SLC41A3: variants seen among roughly 807,000 people sequenced by gnomAD.
SLC41A3 encodes SLC41A1-like 2.
Under a neutral mutation model 45.4 loss-of-function variants are expected in SLC41A3, and 44 were observed. The observed-to-expected ratio is 0.97, with a 90% CI of 0.76 to 1.25. The LOEUF (loss-of-function observed/expected upper bound fraction) is 1.25, where lower values mean the gene tolerates loss of function less well. SLC41A3 is among the 50% of genes most tolerant of loss of function. The pLI, the probability that SLC41A3 is intolerant of heterozygous loss-of-function variation, is 0.00. For synonymous variants in SLC41A3, 256 were observed against 252.4 expected (o/e 1.01, Z -0.13); for missense variants, 550 against 600.6 (o/e 0.92, Z 0.88).
intron 8 of SLC41A3, among the ~76,000 whole-genome samples, chr3:126,013,090 G>A (rs1214299747): frequency 1.3e-5 from 2 of 152,158 alleles, no homozygotes; most frequent in African/African-American, 4.8e-5. Context: ...GATGAGGGGA[G>A]AGTGGATAGA....
intron 1 of SLC41A3, among the ~76,000 whole-genome samples, chr3:126,082,439 G>C (rs550149474): frequency 6.6e-6 from 1 of 152,360 alleles, no homozygotes; most frequent in African/African-American, 2.4e-5. Flanking sequence ...CCAAATGTCA[G>C]TAGTGTGGAG....
chr3:126,024,429 A>G (rs1049724096), intron 5 of SLC41A3: 3 of 152,272 alleles, frequency 2.0e-5, no homozygotes, highest in Non-Finnish European at 4.4e-5. Context: ...AGGCTGGGTC[A>G]TGGCATCCAC....
intron 2 of SLC41A3, chr3:126,057,062 G>A (rs1943715649): frequency 2.2e-5 from 22 of 995,714 alleles, no homozygotes; most frequent in Non-Finnish European, 2.6e-5. Context: ...CCTCCTGGCA[G>A]AGGAGGGCCT....
At chr3:126,014,581 A>C (rs1224615995) in intron 8 of SLC41A3, among the ~76,000 whole-genome samples, 1 of 152,214 alleles carries the variant, frequency 6.6e-6, no homozygotes, top group African/African-American at 2.4e-5. Context: ...TCTCATGCAC[A>C]ATGTGAAGGC....
intron 3 of SLC41A3, among the ~76,000 whole-genome samples, chr3:126,038,249 C>T (rs1294861811): frequency 6.6e-6 from 1 of 152,258 alleles, no homozygotes; most frequent in Non-Finnish European, 1.5e-5. Context: ...ACAAAGCCCC[C>T]ACTTGGCCAA....
Position 126,044,895 on chromosome 3 carries a change from C to CAAAAAAAAAAAAAAAAAAAAAA in SLC41A3, c.381+6026_381+6047dup, listed in dbSNP as rs57581225. On this transcript the variant is annotated intron_variant, in intron 3 of 10. Transcript: ENST00000360370. The stretch of plus-strand genomic sequence containing the variant: ...TGGGCGACAGAGCGAGACTCCATCT[C>CAAAAAAAAAAAAAAAAAAAAAA]AAAAAAAAAAAAAAAAAAAAAAAAA... Among the ~76,000 whole-genome samples the CAAAAAAAAAAAAAAAAAAAAAA allele has an allele frequency of 3.6e-5, 3 of 82,718 alleles. 1 individual carries two copies. Among genetic ancestry groups the CAAAAAAAAAAAAAAAAAAAAAA allele is most frequent in the African/African-American group, 1.2e-4 (2 of 16,564 alleles). The allele number at this position is 82,718 out of a possible 152,430, so 54.3% of individuals were successfully genotyped here. A position where few individuals can be genotyped will look rare whatever the true frequency, so the allele number is the denominator to read the frequency against.
intron 1 of SLC41A3, among the ~76,000 whole-genome samples, chr3:126,100,377 A>G (rs1945685147): frequency 1.3e-5 from 2 of 152,176 alleles, no homozygotes; most frequent in Admixed American, 1.3e-4. Flanking sequence ...CTCTCTGGAA[A>G]GACTTCTGGT....
intron 5 of SLC41A3, chr3:126,024,952 T>C (rs1195074333): frequency 6.6e-6 from 1 of 152,102 alleles, no homozygotes; most frequent in Non-Finnish European, 1.5e-5. Flanking sequence ...GAACACACAT[T>C]TGAGGTGAGG....
At chr3:126,032,456 C>T (rs990770242) in intron 4 of SLC41A3, among the ~76,000 whole-genome samples, 3 of 152,234 alleles carry the variant, frequency 2.0e-5, no homozygotes, top group African/African-American at 7.2e-5. Context: ...ATCCACAAGG[C>T]ACAGCTGACA....
At chr3:126,072,112 T>C (rs553899578) in intron 1 of SLC41A3, among the ~76,000 whole-genome samples, 33 of 151,876 alleles carry the variant, frequency 2.2e-4, no homozygotes, top group African/African-American at 8.0e-4. Context: ...AAGACAAAAA[T>C]CACAAGATAA....
At chr3:126,054,341 G>T (rs889258117) in intron 2 of SLC41A3, among the ~76,000 whole-genome samples, 27 of 152,140 alleles carry the variant, frequency 1.8e-4, no homozygotes, top group Non-Finnish European at 3.8e-4. Context: ...GGCTGCAAAG[G>T]CCCCTGTACC....
intron 1 of SLC41A3, among the ~76,000 whole-genome samples, chr3:126,091,903 T>A (rs534478258): frequency 2.0e-5 from 3 of 152,230 alleles, no homozygotes; most frequent in Non-Finnish European, 4.4e-5. Flanking sequence ...ATGTTAATGC[T>A]GGTCAGCTGT....
chr3:126,057,231 G>T, intron 2 of SLC41A3: 1 of 932,674 alleles, frequency 1.1e-6, no homozygotes, highest in Non-Finnish European at 1.3e-6. Context: ...GCCACAGGAA[G>T]CTGTGTTCAC....
chr3:126,075,669 T>C (rs769604798), intron 1 of SLC41A3, among the ~76,000 whole-genome samples: 4 of 152,200 alleles, frequency 2.6e-5, no homozygotes, highest in Non-Finnish European at 2.9e-5. Flanking sequence ...AGTCTATAAA[T>C]AAATTCATGC....
At chr3:126,062,638 A>G (rs982850318) in intron 2 of SLC41A3, among the ~76,000 whole-genome samples, 2 of 152,226 alleles carry the variant, frequency 1.3e-5, no homozygotes, top group African/African-American at 4.8e-5. Context: ...CCTTGGTTAA[A>G]TGCCTGAAAA....
At chr3:126,019,680 G>A (rs1047552851) in intron 6 of SLC41A3, among the ~76,000 whole-genome samples, 1 of 152,176 alleles carries the variant, frequency 6.6e-6, no homozygotes, top group African/African-American at 2.4e-5. Context: ...AGACACTGGG[G>A]CTTATGACTC....
At chr3:126,095,643 T>C (rs1234337455) in intron 1 of SLC41A3, among the ~76,000 whole-genome samples, 1 of 152,230 alleles carries the variant, frequency 6.6e-6, no homozygotes, top group Non-Finnish European at 1.5e-5. Flanking sequence ...GTTCCTATAA[T>C]TGAGGCATAC....
At chr3:126,094,970 T>C (rs1248840605) in intron 1 of SLC41A3, among the ~76,000 whole-genome samples, 2 of 152,206 alleles carry the variant, frequency 1.3e-5, no homozygotes, top group Non-Finnish European at 2.9e-5. Flanking sequence ...AAACAGGGAT[T>C]TGGGACAGCC....
At chr3:126,039,117 C>T (rs62266561) in intron 3 of SLC41A3, among the ~76,000 whole-genome samples, 8,537 of 152,286 alleles carry the variant, frequency 0.056, 264 homozygotes, top group Non-Finnish European at 0.068. Flanking sequence ...GCTTCCTGTT[C>T]AGCCTGCAGC....
Sources: allele counts gnomAD v4.1 joint callset (sites outside exome capture counted in the v4.1 genomes callset), GRCh38; gene constraint gnomAD v4.1.1; transcripts MANE v1.5; gene names NCBI Gene and HGNC (gene_info 2026-07-23, HGNC 2026-07-21).